RNF220: variants seen among roughly 807,000 people sequenced by gnomAD.
The protein encoded by RNF220 is E3 ubiquitin-protein ligase RNF220.
Under a neutral mutation model 67.1 loss-of-function variants are expected in RNF220, and 7 were observed. That is an observed-to-expected ratio of 0.10 (90% CI 0.06 to 0.20). The LOEUF is 0.20. RNF220 is among the 10% of genes least tolerant of loss of function. The pLI, the probability that RNF220 is intolerant of heterozygous loss-of-function variation, is 1.00. For missense variants in RNF220, 565 were observed against 740.3 expected, an observed-to-expected ratio of 0.76 and a Z score of 2.75; for synonymous variants, 270 against 283.2, an observed-to-expected ratio of 0.95 and a Z score of 0.47.
chr1:44,596,319 T>C (rs943221555), intron 2 of RNF220, among the ~76,000 whole-genome samples: 1 of 151,918 alleles, frequency 6.6e-6, no homozygotes, highest in Non-Finnish European at 1.5e-5. Flanking sequence ...CCCAGCACTT[T>C]GGGAGGCTGA....
intron 2 of RNF220, among the ~76,000 whole-genome samples, chr1:44,581,444 C>G (rs1193418357): frequency 6.6e-6 from 1 of 152,218 alleles, no homozygotes; most frequent in Non-Finnish European, 1.5e-5. Context: ...CAGGGAATCC[C>G]TGCTTTGGCC....
At chr1:44,508,701 G>A (rs1329315645) in intron 2 of RNF220, among the ~76,000 whole-genome samples, 1 of 152,134 alleles carries the variant, frequency 6.6e-6, no homozygotes, top group Non-Finnish European at 1.5e-5. Context: ...CTGGGAGCAG[G>A]TCTTCCTCAC....
chr1:44,588,834 G>T (rs1414608605), intron 2 of RNF220, among the ~76,000 whole-genome samples: 1 of 152,150 alleles, frequency 6.6e-6, no homozygotes, highest in Non-Finnish European at 1.5e-5. Flanking sequence ...CCGAGGCTGG[G>T]GTGGACTTCT....
At chr1:44,580,812 G>A (rs1392469687) in intron 2 of RNF220, among the ~76,000 whole-genome samples, 2 of 152,206 alleles carry the variant, frequency 1.3e-5, no homozygotes, top group African/African-American at 4.8e-5. Flanking sequence ...TGCTCTGCTG[G>A]TTGTGTGTCC....
intron 2 of RNF220, among the ~76,000 whole-genome samples, chr1:44,554,527 C>T (rs577000257): frequency 2.6e-5 from 4 of 152,078 alleles, no homozygotes; most frequent in Non-Finnish European, 4.4e-5. Flanking sequence ...GAAAAAAGCT[C>T]CAATGTCAGA....
intron 2 of RNF220, among the ~76,000 whole-genome samples, chr1:44,577,811 C>A (rs1664921975): frequency 6.7e-6 from 1 of 149,882 alleles, no homozygotes; most frequent in African/African-American, 2.4e-5. Context: ...ACTAAAAATA[C>A]AAAAATTAGT....
At chr1:44,628,290 C>G (rs1351006884) in intron 5 of RNF220, among the ~76,000 whole-genome samples, 2 of 152,132 alleles carry the variant, frequency 1.3e-5, no homozygotes. Flanking sequence ...ACTCCCTGAC[C>G]CACCTTCCTC....
chr1:44,418,517 C>T (rs2147826044), intron 2 of RNF220, among the ~76,000 whole-genome samples: 1 of 152,272 alleles, frequency 6.6e-6, no homozygotes, highest in South Asian at 2.1e-4. Context: ...GGCTCGCAGC[C>T]AGCACAGCGG....
intron 2 of RNF220, among the ~76,000 whole-genome samples, chr1:44,543,955 G>T (rs1661901531): frequency 6.6e-6 from 1 of 152,154 alleles, no homozygotes; most frequent in Non-Finnish European, 1.5e-5. Flanking sequence ...TGGGCCCGGG[G>T]TGAGAACTCT....
At chr1:44,449,796 T>G (rs950388217) in intron 2 of RNF220, among the ~76,000 whole-genome samples, 4 of 152,188 alleles carry the variant, frequency 2.6e-5, no homozygotes, top group African/African-American at 4.8e-5. Flanking sequence ...AACACATTGC[T>G]AGGTACTGAA....
At chr1:44,432,187 T>A (rs925849866) in intron 2 of RNF220, among the ~76,000 whole-genome samples, 1 of 152,212 alleles carries the variant, frequency 6.6e-6, no homozygotes, top group African/African-American at 2.4e-5. Context: ...TGATAAAGTA[T>A]GCATTGGGGA....
At chr1:44,522,585 G>A (rs1572760057) in intron 2 of RNF220, among the ~76,000 whole-genome samples, 1 of 152,080 alleles carries the variant, frequency 6.6e-6, no homozygotes. Flanking sequence ...GCACTGGGCT[G>A]GGCTCTATGC....
chr1:44,573,817 T>C (rs1664614940), intron 2 of RNF220, among the ~76,000 whole-genome samples: 1 of 152,200 alleles, frequency 6.6e-6, no homozygotes, highest in South Asian at 2.1e-4. Flanking sequence ...CCTCTGGTCA[T>C]ACTGTAATAT....
intron 2 of RNF220, among the ~76,000 whole-genome samples, chr1:44,595,514 G>A (rs1666417522): frequency 6.6e-6 from 1 of 152,106 alleles, no homozygotes. Context: ...TGGGGCTCTG[G>A]GGCCTCAGTG....
intron 2 of RNF220, among the ~76,000 whole-genome samples, chr1:44,590,771 C>G (rs1666060993): frequency 6.6e-6 from 1 of 152,138 alleles, no homozygotes; most frequent in Non-Finnish European, 1.5e-5. Context: ...CTGTGCCAGG[C>G]CCTGTTAAAG....
At chr1:44,490,593 G>A (rs56148804) in intron 2 of RNF220, among the ~76,000 whole-genome samples, 4,797 of 151,460 alleles carry the variant, frequency 0.032, 131 homozygotes, top group Admixed American at 0.076. Flanking sequence ...AGCTAAAACA[G>A]CACTCAGAGG....
intron 2 of RNF220, among the ~76,000 whole-genome samples, chr1:44,509,104 A>T (rs570036784): frequency 6.6e-6 from 1 of 152,298 alleles, no homozygotes; most frequent in Admixed American, 6.5e-5. Context: ...GTTTTCCTTT[A>T]GCTAAATACA....
intron 2 of RNF220, among the ~76,000 whole-genome samples, chr1:44,577,387 A>G (rs1664889004): frequency 6.7e-6 from 1 of 148,356 alleles, no homozygotes; most frequent in African/African-American, 2.6e-5. Context: ...CCCCACTGCC[A>G]CCTCTCCTCC....
chr1:44,477,896 C>T (rs1364950899), intron 2 of RNF220, among the ~76,000 whole-genome samples: 1 of 152,184 alleles, frequency 6.6e-6, no homozygotes, highest in African/African-American at 2.4e-5. Context: ...ATCTAATCTA[C>T]AACAGTACAT....
Sources: allele counts gnomAD v4.1 joint callset (sites outside exome capture counted in the v4.1 genomes callset), GRCh38; gene constraint gnomAD v4.1.1; transcripts MANE v1.5; gene names NCBI Gene and HGNC (gene_info 2026-07-23, HGNC 2026-07-21).